Variants in PARD3B observed in about 807,000 individuals in gnomAD.
The protein encoded by PARD3B is par-3 family cell polarity regulator beta.
In PARD3B, 103 loss-of-function variants were observed where a neutral mutation model predicts 130.2. The ratio of observed to expected loss-of-function variants is 0.79; its 90% CI spans 0.67 to 0.93. The LOEUF is 0.93. Ranked by LOEUF, PARD3B falls within the 40% of genes least tolerant of loss-of-function variation. The pLI is 0.00. For synonymous variants in PARD3B, 583 were observed against 553.2 expected, an observed-to-expected ratio of 1.05 and a Z score of -0.76; for missense variants, 1,609 against 1,499.2, an observed-to-expected ratio of 1.07 and a Z score of -1.21.
At chr2:205,186,826 C>T (rs1444859272) in intron 14 of PARD3B, among the ~76,000 whole-genome samples, 1 of 152,014 alleles carries the variant, frequency 6.6e-6, no homozygotes, top group Non-Finnish European at 1.5e-5. Context: ...AAAATGTGGA[C>T]CTATTTAATT....
At chr2:205,422,679 G>T (rs961574825) in intron 19 of PARD3B, among the ~76,000 whole-genome samples, 7 of 152,062 alleles carry the variant, frequency 4.6e-5, no homozygotes, top group Non-Finnish European at 7.4e-5. Context: ...TTAGCAATTT[G>T]CAGTTCCCAT....
At chr2:205,099,555 TCTTAA>T (rs564683490) in intron 4 of PARD3B, among the ~76,000 whole-genome samples, 520 of 152,332 alleles carry the variant, frequency 3.4e-3, no homozygotes, top group Middle Eastern at 0.01. Context: ...GCTTAAGTAT[TCTTAA>T]CTTATCATTT....
chr2:204,916,328 T>C (rs2047443117), intron 2 of PARD3B, among the ~76,000 whole-genome samples: 1 of 152,244 alleles, frequency 6.6e-6, no homozygotes, highest in Non-Finnish European at 1.5e-5. Flanking sequence ...TTTTGAACTT[T>C]ATAGGTCAAT....
intron 5 of PARD3B, among the ~76,000 whole-genome samples, chr2:205,110,637 T>TTG (rs1559448107): frequency 8.0e-6 from 1 of 125,708 alleles, no homozygotes; most frequent in African/African-American, 2.7e-5. Flanking sequence ...GTTTTTTGTT[T>TTG]TTTGTTTTTT....
chr2:205,170,178 C>T (rs1283661960), intron 11 of PARD3B, among the ~76,000 whole-genome samples: 1 of 152,162 alleles, frequency 6.6e-6, no homozygotes, highest in Non-Finnish European at 1.5e-5. Context: ...GATCCGCCCA[C>T]CTCGGCCTCC....
At chr2:205,465,684 T>G (rs1214653544) in intron 20 of PARD3B, among the ~76,000 whole-genome samples, 1 of 152,192 alleles carries the variant, frequency 6.6e-6, no homozygotes, top group African/African-American at 2.4e-5. Flanking sequence ...AACTGATAAT[T>G]CAAAGCTTTT....
intron 21 of PARD3B, among the ~76,000 whole-genome samples, chr2:205,506,673 A>G (rs1407066259): frequency 6.6e-6 from 1 of 152,242 alleles, no homozygotes; most frequent in Non-Finnish European, 1.5e-5. Context: ...CATAAACACC[A>G]GGAGAAAAGA....
chr2:204,692,881 T>A (rs928382661), intron 2 of PARD3B, among the ~76,000 whole-genome samples: 2 of 152,010 alleles, frequency 1.3e-5, no homozygotes, highest in African/African-American at 2.4e-5. Flanking sequence ...ATTAAACTCA[T>A]CATCTTTCAA....
chr2:205,316,125 C>T (rs1041563130), intron 18 of PARD3B, among the ~76,000 whole-genome samples: 2 of 151,948 alleles, frequency 1.3e-5, no homozygotes. Flanking sequence ...GTGTTGTGCC[C>T]CTTTAGTCAT....
intron 1 of PARD3B, among the ~76,000 whole-genome samples, chr2:204,619,527 T>C (rs2034225009): frequency 1.3e-5 from 2 of 152,192 alleles, no homozygotes; most frequent in Admixed American, 1.3e-4. Flanking sequence ...GAGCAGGTTT[T>C]TTTTAAGGAA....
chr2:205,261,105 C>A (rs1424006190), intron 16 of PARD3B, among the ~76,000 whole-genome samples: 1 of 152,040 alleles, frequency 6.6e-6, no homozygotes, highest in Non-Finnish European at 1.5e-5. Flanking sequence ...TTCCTATGAA[C>A]AAATCAACCC....
chr2:204,817,571 C>A (rs1156514353), intron 2 of PARD3B, among the ~76,000 whole-genome samples: 1 of 152,016 alleles, frequency 6.6e-6, no homozygotes, highest in Non-Finnish European at 1.5e-5. Flanking sequence ...ATGTTTAATC[C>A]ATTCAAGTAG....
intron 1 of PARD3B, among the ~76,000 whole-genome samples, chr2:204,613,166 T>C (rs1209452000): frequency 2.6e-5 from 4 of 152,050 alleles, no homozygotes; most frequent in South Asian, 2.1e-4. Flanking sequence ...TCAGGAGATA[T>C]ATTTTTTTTG....
intron 4 of PARD3B, among the ~76,000 whole-genome samples, chr2:205,082,488 T>G (rs1326857852): frequency 6.6e-6 from 1 of 152,218 alleles, no homozygotes; most frequent in Non-Finnish European, 1.5e-5. Flanking sequence ...AATATCTTCT[T>G]GTGCTGTACT....
intron 16 of PARD3B, among the ~76,000 whole-genome samples, chr2:205,296,155 G>A (rs545899048): frequency 1.3e-5 from 2 of 152,288 alleles, no homozygotes; most frequent in East Asian, 3.9e-4. Flanking sequence ...GATGTGCCAG[G>A]CACCCTTCTA....
chr2:205,197,483 TAAC>T (rs1245907965), intron 15 of PARD3B, among the ~76,000 whole-genome samples: 6 of 152,302 alleles, frequency 3.9e-5, no homozygotes, highest in East Asian at 1.9e-4. Flanking sequence ...ACAACTCTGA[TAAC>T]AATTTTACTC....
chr2:205,604,508 G>A (rs1209794715), intron 22 of PARD3B, among the ~76,000 whole-genome samples: 1 of 152,162 alleles, frequency 6.6e-6, no homozygotes, highest in Non-Finnish European at 1.5e-5. Flanking sequence ...CAACACTTGG[G>A]AATTCAAGAT....
rs903905239 is a variant in PARD3B at position 205,589,403 on chromosome 2, C to A, written c.3261-26053C>A. 1.6e-4 allele frequency among the ~76,000 whole-genome samples: 24 copies of A among 152,270 alleles called. No individual in the cohort carries two copies. Among genetic ancestry groups the A allele is most frequent in the African/African-American group, 5.5e-4 (23 of 41,552 alleles). On this transcript the variant is annotated intron_variant, in intron 22 of 22. Transcript: ENST00000406610. The surrounding 1 kb of genome is among the most constrained non-coding windows in gnomAD (Gnocchi z 4.1). ...AGGATCTCACCAAAATCAGGCTCTCCAAACCTCTGTTCCCACGGCAACTCC... is the reference window on the plus strand; with the variant it reads ...AGGATCTCACCAAAATCAGGCTCTCAAAACCTCTGTTCCCACGGCAACTCC...
intron 16 of PARD3B, among the ~76,000 whole-genome samples, chr2:205,278,783 T>C (rs76201816): frequency 0.019 from 2,865 of 152,134 alleles, 99 homozygotes; most frequent in African/African-American, 0.063. Flanking sequence ...TAACTGTTGT[T>C]CATAGGCTGA....
Sources: allele counts gnomAD v4.1 joint callset (sites outside exome capture counted in the v4.1 genomes callset), GRCh38; gene constraint gnomAD v4.1.1; non-coding constraint Gnocchi (gnomAD v3.1); transcripts MANE v1.5; gene names NCBI Gene and HGNC (gene_info 2026-07-23, HGNC 2026-07-21).